Variants in PVT1 observed in about 807,000 individuals in gnomAD.
PVT1 encodes Pvt1 oncogene.
intron 3 of PVT1, chr8:127,947,750 A>T: frequency 2.2e-6 from 1 of 456,574 alleles, no homozygotes; most frequent in South Asian, 1.5e-5. Context: ...AAAGGCGATG[A>T]TCACAGTCCA....
chr8:127,900,642 C>T (rs1815747966), intron 3 of PVT1, among the ~76,000 whole-genome samples: 3 of 152,198 alleles, frequency 2.0e-5, no homozygotes, highest in Non-Finnish European at 2.9e-5. Context: ...ATTCCCTGGG[C>T]CACAGAGTCT....
intron 5 of PVT1, among the ~76,000 whole-genome samples, chr8:128,078,046 G>A (rs1186495368): frequency 6.6e-6 from 1 of 152,190 alleles, no homozygotes; most frequent in Non-Finnish European, 1.5e-5. Flanking sequence ...CTGACTTAGG[G>A]TGATCACACA....
At chr8:128,091,907 T>C (rs1249684808) in intron 5 of PVT1, among the ~76,000 whole-genome samples, 1 of 152,184 alleles carries the variant, frequency 6.6e-6, no homozygotes, top group Non-Finnish European at 1.5e-5. Context: ...TGGGTCTCAG[T>C]GTCCCCATTG....
intron 4 of PVT1, among the ~76,000 whole-genome samples, chr8:128,062,363 A>G (rs1349392754): frequency 6.6e-6 from 1 of 152,220 alleles, no homozygotes. Flanking sequence ...CCAGAACACA[A>G]CATTTCCTAG....
intron 2 of PVT1, among the ~76,000 whole-genome samples, chr8:127,882,622 T>G (rs1815480933): frequency 6.6e-6 from 1 of 152,106 alleles, no homozygotes; most frequent in South Asian, 2.1e-4. Flanking sequence ...TAGCTGGGAT[T>G]ACAGGTGCCC....
At chr8:128,084,358 T>C (rs180873000) in intron 5 of PVT1, among the ~76,000 whole-genome samples, 8 of 152,268 alleles carry the variant, frequency 5.3e-5, no homozygotes, top group Admixed American at 2.6e-4. Context: ...ATTTTCCTTT[T>C]CTGGAACACT....
intron 3 of PVT1, chr8:127,960,734 T>G: frequency 2.0e-6 from 1 of 490,626 alleles, no homozygotes; most frequent in South Asian, 1.6e-5. Context: ...CATAGATAAC[T>G]GTTTTCTGTT....
At chr8:127,906,075 A>G (rs73357076) in intron 3 of PVT1, among the ~76,000 whole-genome samples, 6,230 of 152,244 alleles carry the variant, frequency 0.041, 420 homozygotes, top group African/African-American at 0.14. Context: ...AGCGGTTTGG[A>G]GAGGGTTAGG....
At chr8:127,988,624 T>A (rs1391075475) in intron 3 of PVT1, among the ~76,000 whole-genome samples, 1 of 152,242 alleles carries the variant, frequency 6.6e-6, no homozygotes, top group African/African-American at 2.4e-5. Context: ...TGATGTCCAC[T>A]GAACACATGT....
chr8:127,887,501 C>A (rs1248639014), intron 2 of PVT1, among the ~76,000 whole-genome samples: 1 of 152,182 alleles, frequency 6.6e-6, no homozygotes, highest in Admixed American at 6.5e-5. Flanking sequence ...CTTGAACTTT[C>A]TAGAAACACT....
At chr8:127,919,236 T>C (rs1445947541) in intron 3 of PVT1, among the ~76,000 whole-genome samples, 2 of 152,118 alleles carry the variant, frequency 1.3e-5, no homozygotes, top group African/African-American at 4.8e-5. Context: ...TGTTATGGAG[T>C]GTGCACATTC....
At chr8:127,815,878 C>A (rs1039015938) in intron 2 of PVT1, among the ~76,000 whole-genome samples, 1 of 152,132 alleles carries the variant, frequency 6.6e-6, no homozygotes, top group Non-Finnish European at 1.5e-5. Context: ...GTAATTCCAG[C>A]ACTTTGGGAG....
At chr8:127,980,554 G>T (rs750168999) in intron 3 of PVT1, among the ~76,000 whole-genome samples, 3 of 152,004 alleles carry the variant, frequency 2.0e-5, no homozygotes, top group African/African-American at 7.3e-5. Flanking sequence ...TCAGGGAGGG[G>T]GCTCTCTGTT....
chr8:128,099,902 T>C (rs1814480857), intron 6 of PVT1: 1 of 152,212 alleles, frequency 6.6e-6, no homozygotes, highest in Non-Finnish European at 1.5e-5. Flanking sequence ...TGTTGTGTTA[T>C]GTGCATCTTA....
chr8:127,893,349 T>C (rs1815634319), intron 3 of PVT1, among the ~76,000 whole-genome samples: 1 of 152,194 alleles, frequency 6.6e-6, no homozygotes, highest in Non-Finnish European at 1.5e-5. Context: ...CAATCTCGGC[T>C]CACTGCAACC....
In PVT1 at chr8:127,829,299, G is replaced by C. The variant is rs150769247; in HGVS notation, n.372+33228G>C. Among the ~76,000 whole-genome samples, 657 of 152,118 alleles carry C rather than the reference G, an allele frequency of 4.3e-3. 2 individuals carry two copies. Among genetic ancestry groups the C allele is most frequent in the African/African-American group, 0.015 (630 of 41,542 alleles). On this transcript the variant is annotated intron_variant and non_coding_transcript_variant, in intron 2 of 10. Coordinates refer to ENST00000651587, the Ensembl canonical transcript of PVT1. ...TCTCAGGGGAAAAAAAATGCATATTGCATAAAATAAAACCTTATATATATT... is the reference window on the plus strand; with the variant it reads ...TCTCAGGGGAAAAAAAATGCATATTCCATAAAATAAAACCTTATATATATT...
chr8:128,099,519 C>G (rs1212337103), intron 6 of PVT1: 1 of 152,258 alleles, frequency 6.6e-6, no homozygotes, highest in Non-Finnish European at 1.5e-5. Context: ...TGACCACTGG[C>G]CTGCCCCTTC....
intron 4 of PVT1, among the ~76,000 whole-genome samples, chr8:128,059,132 C>A (rs753609570): frequency 5.9e-5 from 9 of 152,164 alleles, no homozygotes; most frequent in Non-Finnish European, 5.9e-5. Context: ...CAATGGCTCA[C>A]GTCAGAAAGA....
At chr8:127,862,838 T>C (rs1586411540) in intron 2 of PVT1, among the ~76,000 whole-genome samples, 1 of 152,254 alleles carries the variant, frequency 6.6e-6, no homozygotes, top group African/African-American at 2.4e-5. Flanking sequence ...TCCTTTGGGG[T>C]GTTAGCAATT....
Sources: gnomAD v4.1 joint callset for allele counts (sites outside exome capture counted in the v4.1 genomes callset) on GRCh38, gnomAD v4.1.1 for gene constraint, MANE v1.5 for transcripts, NCBI Gene and HGNC (gene_info 2026-07-23, HGNC 2026-07-21) for gene names.